The following COL4A2 variants were observed in gnomAD, a reference collection of about 807,000 sequenced individuals.
COL4A2 encodes the protein collagen type IV alpha 2 chain, also known as collagen alpha-2(IV) chain.
COL4A2 carries 99 observed loss-of-function variants against 200.2 expected under a neutral mutation model. The observed-to-expected ratio is 0.49, with a 90% confidence interval of 0.42 to 0.58. The LOEUF is 0.58. COL4A2 is among the 20% of genes least tolerant of loss of function. COL4A2 has a pLI of 0.00. For missense variants in COL4A2, 1,950 were observed against 2,314.1 expected (o/e 0.84, Z 3.23); for synonymous variants, 897 against 900.6 (o/e 1.00, Z 0.07).
intron 39 of COL4A2, among the ~76,000 whole-genome samples, chr13:110,494,711 A>C (rs1256596807): frequency 6.6e-6 from 1 of 152,090 alleles, no homozygotes; most frequent in Non-Finnish European, 1.5e-5. Flanking sequence ...CTTAAAAAAA[A>C]AAAAAATTAA....
At chr13:110,509,812 T>C (rs989413852) in intron 47 of COL4A2, among the ~76,000 whole-genome samples, 1 of 152,144 alleles carries the variant, frequency 6.6e-6, no homozygotes, top group Non-Finnish European at 1.5e-5. Context: ...AAGGCATGGG[T>C]TGAGACGGCT....
chr13:110,418,925 C>T lies in COL4A2; in HGVS notation c.181-5809C>T, dbSNP rs149706295. 3.9e-5 allele frequency among the ~76,000 whole-genome samples: 6 copies of T among 152,318 alleles called. No individual in the cohort carries two copies. In the South Asian group the frequency reaches 6.2e-4, roughly 16 times the overall value. On this transcript the variant is annotated intron_variant, in intron 4 of 47. Coordinates refer to ENST00000360467, the MANE Select transcript of COL4A2 (RefSeq NM_001846.4). ...GCTAACTGACCATCCTCAAAATCAA[C>T]GAATATTTCTAAATTTTGGCCGGTG...
In COL4A2 at chr13:110,467,089, C is replaced by T. The variant is rs748763232; in HGVS notation, c.2088C>T (p.Gly696=). 2 of 1,614,064 alleles carry T rather than the reference C, an allele frequency of 1.2e-6. No individual in the cohort carries two copies. ...KGLPGLPGPP[G]PTGAKGLRGI... ...TGCCAGGCCTGCCAGGACCCCCAGG[C>T]CCCACAGGTAATGCACGGAGGGAAC... The change falls in exon 27 of 48, where the codon GGC becomes GGT. Residue 696 remains glycine, a synonymous_variant. Transcript: ENST00000360467.
chr13:110,439,644 C>A, intron 15 of COL4A2, 145 bp from the exon 16 acceptor site: 1 of 1,332,942 alleles, frequency 7.5e-7, no homozygotes, highest in Non-Finnish European at 1.0e-6. Flanking sequence ...CAATTTGTTG[C>A]TATTCTTCAA....
chr13:110,336,790 G>C (rs1876212247), intron 3 of COL4A2, among the ~76,000 whole-genome samples: 1 of 152,126 alleles, frequency 6.6e-6, no homozygotes, highest in Non-Finnish European at 1.5e-5. Flanking sequence ...TGAAGCTTTC[G>C]TTGATCAGCT....
chr13:110,485,732 G>A lies in COL4A2; in HGVS notation c.3103G>A (p.Val1035Ile). 1 of 1,613,872 alleles carries A rather than the reference G, an allele frequency of 6.2e-7. No individual in the cohort carries two copies. Among genetic ancestry groups the A allele is most frequent in the Non-Finnish European group, 8.5e-7 (1 of 1,179,934 alleles). Reference protein sequence around the residue: ...LPGRPGHIKGVKGDIGVPGIP... With the variant: ...LPGRPGHIKGIKGDIGVPGIP... ...TGGGAGGCCCGGCCACATCAAAGGA[G>A]TCAAGGGAGACATCGGAGTCCCCGG... Residue 1035 changes from valine (V) to isoleucine (I), a missense_variant, in exon 34 of 48, where the codon GTC (valine) becomes ATC (isoleucine). By Grantham distance (29) the Val-to-Ile change is conservative. Around this residue, in one of 2 missense-constraint regions of COL4A2, gnomAD observed 1,385 missense variants for 1,720.5 expected, o/e 0.80. Transcript: ENST00000360467.
intron 4 of COL4A2, among the ~76,000 whole-genome samples, chr13:110,413,966 A>G (rs1267015256): frequency 6.6e-5 from 10 of 152,130 alleles, no homozygotes; most frequent in Non-Finnish European, 1.5e-4. Flanking sequence ...GACACACTCC[A>G]TGGCTCCCAA....
intron 4 of COL4A2, among the ~76,000 whole-genome samples, chr13:110,369,334 C>T (rs1313544889): frequency 6.6e-6 from 1 of 152,168 alleles, no homozygotes; most frequent in East Asian, 1.9e-4. Flanking sequence ...TGAGCACCGA[C>T]CTGGCACTCA....
chr13:110,337,184 G>A (rs985111316), intron 3 of COL4A2, among the ~76,000 whole-genome samples: 3 of 152,194 alleles, frequency 2.0e-5, no homozygotes, highest in African/African-American at 4.8e-5. Flanking sequence ...CAGTCCTGGC[G>A]CTCTGATTCC....
intron 3 of COL4A2, among the ~76,000 whole-genome samples, chr13:110,320,552 GC>G (rs1168090845): frequency 6.6e-6 from 1 of 152,130 alleles, no homozygotes; most frequent in East Asian, 1.9e-4. Context: ...ACTGAATCCT[GC>G]CTAGAAGTTC....
intron 24 of COL4A2, among the ~76,000 whole-genome samples, chr13:110,462,810 CAG>C (rs777774837): frequency 6.6e-4 from 101 of 152,276 alleles, no homozygotes; most frequent in Middle Eastern, 3.4e-3. Context: ...ATCATTTCCT[CAG>C]GGGAGGCTGG....
At chr13:110,357,770 G>T (rs1052896696) in intron 4 of COL4A2, among the ~76,000 whole-genome samples, 1 of 152,174 alleles carries the variant, frequency 6.6e-6, no homozygotes, top group Non-Finnish European at 1.5e-5. Flanking sequence ...TACGTAGGCA[G>T]TTGCGACACA....
intron 4 of COL4A2, among the ~76,000 whole-genome samples, chr13:110,424,116 T>A (rs956010852): frequency 1.3e-5 from 2 of 152,120 alleles, no homozygotes; most frequent in Admixed American, 1.3e-4. Flanking sequence ...CAGAGTGTTT[T>A]CCAAAGCACC....
intron 3 of COL4A2, among the ~76,000 whole-genome samples, chr13:110,333,065 C>T (rs1866662848): frequency 6.6e-6 from 1 of 152,196 alleles, no homozygotes; most frequent in African/African-American, 2.4e-5. Flanking sequence ...TGCATGTGGT[C>T]AGCCCCATCA....
intron 4 of COL4A2, among the ~76,000 whole-genome samples, chr13:110,394,984 A>G (rs184354409): frequency 9.3e-4 from 141 of 152,196 alleles, no homozygotes; most frequent in Non-Finnish European, 1.7e-3. Flanking sequence ...CTGGAGACAC[A>G]TGGAAAGATA....
intron 34 of COL4A2, among the ~76,000 whole-genome samples, chr13:110,486,442 C>T (rs1455200289): frequency 3.3e-5 from 5 of 152,198 alleles, no homozygotes; most frequent in African/African-American, 4.8e-5. Flanking sequence ...CATAGCACAG[C>T]GTGGCTCCCC....
chr13:110,465,267 G>T (rs1317194465), intron 24 of COL4A2, 138 bp from the exon 25 acceptor site: 1 of 1,148,226 alleles, frequency 8.7e-7, no homozygotes, highest in Non-Finnish European at 1.2e-6. Flanking sequence ...CATGGCACTA[G>T]GTTCCTGTTC....
chr13:110,332,652 A>G (rs189834277), intron 3 of COL4A2, among the ~76,000 whole-genome samples: 4 of 152,320 alleles, frequency 2.6e-5, no homozygotes, highest in South Asian at 4.1e-4. Flanking sequence ...GGAAATATGA[A>G]TTCATCCAGA....
chr13:110,377,516 C>T lies in COL4A2; in HGVS notation c.180+19964C>T, dbSNP rs187544005. Among the ~76,000 whole-genome samples, 303 of 152,324 alleles carry T rather than the reference C, an allele frequency of 2.0e-3. 1 individual carries two copies. The highest frequency in any genetic ancestry group is 6.9e-3 in the African/African-American group (288 of 41,566). On this transcript the variant is annotated intron_variant, in intron 4 of 47. Transcript: ENST00000360467. Reference sequence around the variant, plus strand: ...GCTGCTCCTGGGTGTGCCCACCCCACCCCCACTGGGATTTGAGCTCCCCTC... The same window carrying T: ...GCTGCTCCTGGGTGTGCCCACCCCATCCCCACTGGGATTTGAGCTCCCCTC...
Sources: gnomAD v4.1 joint callset for allele counts (sites outside exome capture counted in the v4.1 genomes callset) on GRCh38, gnomAD v4.1.1 for gene constraint, gnomAD v4.1.1 regional missense constraint, MANE v1.5 for transcripts, NCBI Gene and HGNC (gene_info 2026-07-23, HGNC 2026-07-21) for gene names.